DPH6: variants seen among roughly 807,000 people sequenced by gnomAD.
DPH6 encodes diphthine--ammonia ligase.
DPH6 carries 33 observed loss-of-function variants against 38.2 expected under a neutral mutation model. That is an observed-to-expected ratio of 0.86 (90% CI 0.65 to 1.15). DPH6 has a LOEUF of 1.15. Ranked by LOEUF, DPH6 falls within the 50% of genes most tolerant of loss-of-function variation. The probability of loss-of-function intolerance (pLI) is 0.00; values close to 1 mark genes in which losing one functional copy is unlikely to be tolerated. For synonymous variants in DPH6, 108 were observed against 103.0 expected (o/e 1.05, Z -0.30); for missense variants, 325 against 320.0 (o/e 1.02, Z -0.12).
downstream of DPH6, among the ~76,000 whole-genome samples, chr15:35,215,163 GGCAAAT>G (rs1308473663): frequency 6.6e-6 from 1 of 152,116 alleles, no homozygotes; most frequent in Non-Finnish European, 1.5e-5. Flanking sequence ...CTACCAAGTG[GGCAAAT>G]GCACAAGATA....
intron 3 of DPH6, among the ~76,000 whole-genome samples, chr15:35,532,103 C>T (rs2055097685): frequency 6.6e-6 from 1 of 152,150 alleles, no homozygotes; most frequent in South Asian, 2.1e-4. Flanking sequence ...CAGCCGAAGA[C>T]TCAGACATGA....
intron 3 of DPH6, among the ~76,000 whole-genome samples, chr15:35,510,722 C>G (rs923783462): frequency 6.6e-6 from 1 of 152,108 alleles, no homozygotes; most frequent in Admixed American, 6.6e-5. Flanking sequence ...AATTAAATCA[C>G]CAAAAACCCT....
downstream of DPH6, among the ~76,000 whole-genome samples, chr15:35,326,947 A>C (rs1192855251): frequency 3.9e-5 from 6 of 152,258 alleles, no homozygotes; most frequent in South Asian, 1.2e-3. Context: ...ACAGACATTT[A>C]AGGCAAGGAA....
chr15:35,403,685 T>A (rs2053251950), intron 6 of DPH6, among the ~76,000 whole-genome samples: 1 of 152,070 alleles, frequency 6.6e-6, no homozygotes, highest in Non-Finnish European at 1.5e-5. Context: ...TTTTTTCATA[T>A]TTTTTGTAGT....
intron 5 of DPH6, among the ~76,000 whole-genome samples, chr15:35,441,406 A>G (rs1466796889): frequency 6.6e-6 from 1 of 152,244 alleles, no homozygotes; most frequent in African/African-American, 2.4e-5. Flanking sequence ...ACTTGGAATC[A>G]ATCCTAATGT....
chr15:35,477,448 C>T (rs1044876164), intron 3 of DPH6, among the ~76,000 whole-genome samples: 2 of 151,750 alleles, frequency 1.3e-5, no homozygotes, highest in African/African-American at 2.4e-5. Context: ...GCAAAGGCTG[C>T]ATGGTATCAG....
chr15:35,209,690 T>C, the DPH6 span, among the ~76,000 whole-genome samples: 1 of 152,218 alleles, frequency 6.6e-6, no homozygotes, highest in Non-Finnish European at 1.5e-5. Flanking sequence ...TCTTAACTTA[T>C]TGCATTGGGG....
intron 3 of DPH6, among the ~76,000 whole-genome samples, chr15:35,290,467 AAGAACATGTC>A (rs1230310225): frequency 6.6e-6 from 1 of 152,192 alleles, no homozygotes; most frequent in Non-Finnish European, 1.5e-5. Context: ...CCATTAATGA[AAGAACATGTC>A]AGAGGAGCTG....
At chr15:35,506,163 A>G (rs2054691373) in intron 3 of DPH6, among the ~76,000 whole-genome samples, 1 of 152,168 alleles carries the variant, frequency 6.6e-6, no homozygotes. Context: ...ACCATGGCCT[A>G]AAACTAAAAT....
Position 35,454,908 on chromosome 15 carries a change from C to A in DPH6, c.313-88G>T, listed in dbSNP as rs912983245. The A allele has an allele frequency of 2.7e-5, 27 of 993,358 alleles. No individual in the cohort carries two copies. In the Admixed American group the frequency reaches 2.8e-4, roughly 10 times the overall value. 61.5% of individuals were successfully genotyped at this position (993,358 alleles called of 1,614,324 possible). ...TCTGAAAATTATAAATGAACTGTGT[C>A]TCATCTAGAAAACTACCTCAAACCA... On this transcript the variant is annotated intron_variant, in intron 3 of 8. Coordinates refer to ENST00000256538, the MANE Select transcript of DPH6 (RefSeq NM_080650.4).
chr15:35,543,480 T>C (rs2141575918), intron 1 of DPH6, among the ~76,000 whole-genome samples: 2 of 152,034 alleles, frequency 1.3e-5, no homozygotes, highest in Non-Finnish European at 2.9e-5. Context: ...AATATTCTCC[T>C]AATTCCCACT....
intron 5 of DPH6, among the ~76,000 whole-genome samples, chr15:35,432,830 G>A (rs1257039999): frequency 3.3e-5 from 5 of 152,130 alleles, no homozygotes; most frequent in Non-Finnish European, 7.4e-5. Context: ...ACACAAAGAG[G>A]GGAACAATAG....
At chr15:35,538,523 T>C in intron 2 of DPH6, 56 bp from the exon 3 acceptor site, 2 of 1,387,802 alleles carry the variant, frequency 1.4e-6, no homozygotes, top group Non-Finnish European at 1.9e-6. Flanking sequence ...GAAAGCGGAT[T>C]TGAAAGCCCA....
chr15:35,467,300 C>A (rs1277239933), intron 3 of DPH6, among the ~76,000 whole-genome samples: 1 of 152,158 alleles, frequency 6.6e-6, no homozygotes, highest in Non-Finnish European at 1.5e-5. Flanking sequence ...TGTGGTGGCT[C>A]ATGCCCGTAA....
intron 7 of DPH6, among the ~76,000 whole-genome samples, chr15:35,375,340 A>G (rs557329351): frequency 3.3e-5 from 5 of 152,164 alleles, no homozygotes; most frequent in Non-Finnish European, 7.4e-5. Flanking sequence ...TGACTAACAT[A>G]ATTTCATTCA....
At chr15:35,249,609 C>A (rs964123398) in intron 3 of DPH6, among the ~76,000 whole-genome samples, 2 of 152,016 alleles carry the variant, frequency 1.3e-5, no homozygotes, top group African/African-American at 2.4e-5. Context: ...TGTCTCTCTG[C>A]AGGTGAGATT....
Position 35,546,154 on chromosome 15 carries a change from G to C in DPH6, c.-13C>G, listed in dbSNP as rs902361226. On this transcript the variant is annotated 5_prime_UTR_variant, in exon 1 of 9. Coordinates refer to ENST00000256538, the MANE Select transcript of DPH6 (RefSeq NM_080650.4). The stretch of plus-strand genomic sequence containing the variant: ...CCGCGACCCTCATGCTGGGCGCAGT[G>C]CGCGTGCGTGCGGCGAGCGCGGGCG... 5 of 1,378,342 alleles carry C rather than the reference G, an allele frequency of 3.6e-6. No individual in the cohort carries two copies. The highest frequency in any genetic ancestry group is 4.8e-6 in the Non-Finnish European group (5 of 1,052,454). 85.4% of individuals were successfully genotyped at this position (1,378,342 alleles called of 1,614,324 possible). A position where few individuals can be genotyped will look rare whatever the true frequency, so the allele number is the denominator to read the frequency against.
chr15:35,506,224 A>T (rs1489772613), intron 3 of DPH6, among the ~76,000 whole-genome samples: 1 of 152,214 alleles, frequency 6.6e-6, no homozygotes, highest in East Asian at 1.9e-4. Flanking sequence ...TCACCAAAAT[A>T]GATAAACAAA....
chr15:35,502,357 AGT>A (rs965229074), intron 3 of DPH6, among the ~76,000 whole-genome samples: 116 of 152,198 alleles, frequency 7.6e-4, no homozygotes, highest in African/African-American at 2.5e-3. Flanking sequence ...AAATAAGCAA[AGT>A]GAGATAAAAC....
Sources: allele counts gnomAD v4.1 joint callset (sites outside exome capture counted in the v4.1 genomes callset), GRCh38; gene constraint gnomAD v4.1.1; transcripts MANE v1.5; gene names NCBI Gene and HGNC (gene_info 2026-07-23, HGNC 2026-07-21).